Variants in KLHL1 observed in about 807,000 individuals in gnomAD.
KLHL1 encodes the protein kelch like family member 1, also known as kelch-like protein 1.
KLHL1 carries 47 observed loss-of-function variants against 77.7 expected under a neutral mutation model. The observed-to-expected ratio is 0.60, with a 90% CI of 0.48 to 0.77. KLHL1 has a LOEUF of 0.77. Among genes scored for constraint, KLHL1 ranks in the 30% least tolerant of loss-of-function variants. The pLI is 0.00. For missense variants in KLHL1, 925 were observed against 910.8 expected (o/e 1.02, Z -0.20); for synonymous variants, 360 against 325.2 (o/e 1.11, Z -1.15).
chr13:69,751,640 G>A (rs145371905), intron 7 of KLHL1, among the ~76,000 whole-genome samples: 1 of 152,058 alleles, frequency 6.6e-6, no homozygotes, highest in African/African-American at 2.4e-5. Context: ...AAGGCTAAAT[G>A]GTTAAAAGAC....
chr13:69,869,142 G>A (rs1283978936), intron 5 of KLHL1, among the ~76,000 whole-genome samples: 2 of 152,024 alleles, frequency 1.3e-5, no homozygotes, highest in East Asian at 3.9e-4. Context: ...AAAAAAAGGG[G>A]GAAAGTAATG....
At chr13:70,102,377 T>C (rs1887942164) in intron 1 of KLHL1, among the ~76,000 whole-genome samples, 1 of 152,218 alleles carries the variant, frequency 6.6e-6, no homozygotes, top group African/African-American at 2.4e-5. Context: ...GAATGAACTA[T>C]AATTTAGAAA....
intron 1 of KLHL1, among the ~76,000 whole-genome samples, chr13:70,022,039 G>C (rs548982898): frequency 1.6e-4 from 25 of 151,970 alleles, no homozygotes; most frequent in African/African-American, 5.1e-4. Context: ...TGGTGTTATA[G>C]ATACAGACAT....
intron 1 of KLHL1, among the ~76,000 whole-genome samples, chr13:70,094,023 T>C (rs1452424858): frequency 6.6e-6 from 1 of 152,206 alleles, no homozygotes; most frequent in African/African-American, 2.4e-5. Context: ...CTATGTTTAA[T>C]TTAACCAATC....
At chr13:69,815,470 A>G (rs1285010933) in intron 6 of KLHL1, among the ~76,000 whole-genome samples, 1 of 152,178 alleles carries the variant, frequency 6.6e-6, no homozygotes, top group African/African-American at 2.4e-5. Flanking sequence ...ACCAAATACC[A>G]CATGTTCTCG....
At chr13:69,931,876 T>C (rs1050056911) in intron 4 of KLHL1, among the ~76,000 whole-genome samples, 1 of 151,798 alleles carries the variant, frequency 6.6e-6, no homozygotes, top group Non-Finnish European at 1.5e-5. Flanking sequence ...TGAATTTTAA[T>C]CATCATGGAT....
At chr13:69,744,036 A>G (rs1480974698) in intron 7 of KLHL1, among the ~76,000 whole-genome samples, 1 of 152,106 alleles carries the variant, frequency 6.6e-6, no homozygotes, top group Non-Finnish European at 1.5e-5. Context: ...GTTCAAGACA[A>G]TGTTAGAGGT....
At chr13:70,068,214 G>C (rs1025476667) in intron 1 of KLHL1, among the ~76,000 whole-genome samples, 6 of 151,946 alleles carry the variant, frequency 3.9e-5, no homozygotes, top group Admixed American at 1.3e-4. Flanking sequence ...GGTGGCGGGC[G>C]CCTGTAGTCC....
intron 4 of KLHL1, among the ~76,000 whole-genome samples, chr13:69,896,912 C>T (rs928636158): frequency 1.3e-4 from 20 of 151,920 alleles, no homozygotes; most frequent in African/African-American, 1.9e-4. Context: ...CCTCATGATC[C>T]GCCCGCCTCA....
intron 4 of KLHL1, among the ~76,000 whole-genome samples, chr13:69,936,963 G>T (rs564132701): frequency 6.6e-6 from 1 of 152,080 alleles, no homozygotes; most frequent in Non-Finnish European, 1.5e-5. Flanking sequence ...GCAACTGCCC[G>T]TGGAGAATAA....
chr13:69,996,575 G>A (rs1290943881), intron 1 of KLHL1, among the ~76,000 whole-genome samples: 3 of 152,020 alleles, frequency 2.0e-5, no homozygotes, highest in South Asian at 2.1e-4. Flanking sequence ...ACATTATTAG[G>A]GGAATCTAAA....
At position 69,901,787 on chromosome 13, in the gene KLHL1, C is replaced by CTTTTTTTTTTTTTTTTTTTT. The variant is rs1237100844; in HGVS notation, c.1015-19293_1015-19292insAAAAAAAAAAAAAAAAAAAA. Among the ~76,000 whole-genome samples the CTTTTTTTTTTTTTTTTTTTT allele has an allele frequency of 2.5e-5, 2 of 80,146 alleles. 1 individual carries two copies. 52.6% of individuals were successfully genotyped at this position (80,146 alleles called of 152,430 possible). On this transcript the variant is annotated intron_variant, in intron 4 of 10. Coordinates refer to ENST00000377844, the MANE Select transcript of KLHL1 (RefSeq NM_020866.3). ...TGAGTTTTTCATTTTCTTTCTTTTT[C>CTTTTTTTTTTTTTTTTTTTT]TTTTTTTCTTTTTTTTTTTTTTTTT...
chr13:69,778,117 G>C (rs552883316), intron 7 of KLHL1, among the ~76,000 whole-genome samples: 4 of 152,042 alleles, frequency 2.6e-5, no homozygotes, highest in Non-Finnish European at 5.9e-5. Flanking sequence ...TAATTAAAGA[G>C]ATTTAAAATG....
chr13:69,837,458 C>T (rs1004813887), intron 6 of KLHL1, among the ~76,000 whole-genome samples: 1 of 151,072 alleles, frequency 6.6e-6, no homozygotes, highest in Non-Finnish European at 1.5e-5. Context: ...GTAACAACTT[C>T]AAGAATGTTA....
chr13:69,745,831 A>T (rs1302421033), intron 7 of KLHL1, among the ~76,000 whole-genome samples: 2 of 151,722 alleles, frequency 1.3e-5, no homozygotes, highest in East Asian at 1.9e-4. Flanking sequence ...TGAATTTTTA[A>T]TTTTTTTGCA....
chr13:69,989,202 T>C (rs1367476690), intron 1 of KLHL1, among the ~76,000 whole-genome samples: 2 of 152,124 alleles, frequency 1.3e-5, no homozygotes, highest in Non-Finnish European at 2.9e-5. Context: ...TCCAGCACCA[T>C]TTATTGAATA....
intron 1 of KLHL1, among the ~76,000 whole-genome samples, chr13:70,061,731 T>G (rs1163202794): frequency 1.3e-5 from 2 of 152,310 alleles, no homozygotes; most frequent in East Asian, 1.9e-4. Flanking sequence ...GTTCTTGCAT[T>G]TTCAAATTCC....
intron 1 of KLHL1, among the ~76,000 whole-genome samples, chr13:70,042,961 A>T (rs1886411384): frequency 2.0e-5 from 3 of 152,178 alleles, no homozygotes; most frequent in South Asian, 4.1e-4. Flanking sequence ...GCTGGAGTGC[A>T]GTGGCATAAT....
At chr13:70,000,103 C>T (rs1885250689) in intron 1 of KLHL1, among the ~76,000 whole-genome samples, 1 of 151,918 alleles carries the variant, frequency 6.6e-6, no homozygotes, top group South Asian at 2.1e-4. Context: ...CTTTCTCTGT[C>T]TCCTGCTTCC....
Sources: allele counts gnomAD v4.1 joint callset (sites outside exome capture counted in the v4.1 genomes callset), GRCh38; gene constraint gnomAD v4.1.1; transcripts MANE v1.5; gene names NCBI Gene and HGNC (gene_info 2026-07-23, HGNC 2026-07-21).